ZNF362: variants seen among roughly 807,000 people sequenced by gnomAD.
ZNF362 encodes the protein zinc finger protein 362, also known as rotund homolog.
ZNF362 carries 11 observed loss-of-function variants against 42.9 expected under a neutral mutation model. The ratio of observed to expected loss-of-function variants is 0.26; its 90% CI spans 0.16 to 0.42. ZNF362 has a LOEUF of 0.42. Among genes scored for constraint, ZNF362 ranks in the 20% least tolerant of loss-of-function variants. The pLI, the probability that ZNF362 is intolerant of heterozygous loss-of-function variation, is 1.00. For missense variants in ZNF362, 362 were observed against 576.2 expected, an observed-to-expected ratio of 0.63 and a Z score of 3.81; for synonymous variants, 255 against 257.3, an observed-to-expected ratio of 0.99 and a Z score of 0.09.
chr1:33,281,838 G>T lies in ZNF362; in HGVS notation c.908+27G>T. 2 of 1,610,984 alleles carry T rather than the reference G, an allele frequency of 1.2e-6. No individual in the cohort carries two copies. Among genetic ancestry groups the T allele is most frequent in the Non-Finnish European group, 1.7e-6 (2 of 1,177,746 alleles). ...TGAGTGGCCTGCCTGCTGCCCTGCT[G>T]CAGCCCGACTCAGCTCAGCACCCGT... is the stretch of plus-strand genomic sequence containing the variant. On this transcript the variant is annotated intron_variant, in intron 6 of 8. Transcript: ENST00000539719. This position sits in a 1 kb window ranked among gnomAD's most constrained non-coding sequence, Gnocchi z 4.8.
the ZNF362 span, among the ~76,000 whole-genome samples, chr1:33,237,816 A>C: frequency 7.9e-5 from 12 of 152,336 alleles, no homozygotes; most frequent in African/African-American, 2.9e-4. Flanking sequence ...TTACTCCGTC[A>C]GCTGCTGAGG....
chr1:33,259,480 A>G (rs1469852997), intron 1 of ZNF362, among the ~76,000 whole-genome samples: 2 of 152,226 alleles, frequency 1.3e-5, no homozygotes, highest in Non-Finnish European at 2.9e-5. Flanking sequence ...TTCCTGTCTT[A>G]TCTCTCTGTA....
chr1:33,159,979 G>A, the ZNF362 span: 2 of 1,586,842 alleles, frequency 1.3e-6, no homozygotes, highest in Non-Finnish European at 1.7e-6. This position sits in a 1 kb window ranked among gnomAD's most constrained non-coding sequence, Gnocchi z 4.2. Context: ...TATGGCTGGG[G>A]GAGCAGATGG....
the ZNF362 span, among the ~76,000 whole-genome samples, chr1:33,241,091 G>T: frequency 1.4e-5 from 2 of 147,172 alleles, no homozygotes; most frequent in East Asian, 2.0e-4. Flanking sequence ...CAATTCCCCC[G>T]CCCCGCCCCA....
chr1:33,153,033 G>A, the ZNF362 span, among the ~76,000 whole-genome samples: 28 of 138,576 alleles, frequency 2.0e-4, no homozygotes, highest in Non-Finnish European at 4.2e-4. Flanking sequence ...GCTGGGGGTG[G>A]GATAGAGGGG....
chr1:33,267,183 G>A (rs1645870570), intron 1 of ZNF362, among the ~76,000 whole-genome samples: 1 of 152,134 alleles, frequency 6.6e-6, no homozygotes. Context: ...TTTGTCAAAG[G>A]TTGCTTAACT....
intron 8 of ZNF362, 80 bp downstream of exon 8, chr1:33,295,385 T>C (rs1646114234): frequency 1.3e-6 from 2 of 1,519,010 alleles, no homozygotes; most frequent in Non-Finnish European, 1.8e-6. Context: ...CATTGTCAGA[T>C]CTGTGTCGAC....
the ZNF362 span, among the ~76,000 whole-genome samples, chr1:33,226,886 A>C: frequency 2.6e-5 from 4 of 152,122 alleles, no homozygotes; most frequent in Non-Finnish European, 4.4e-5. Flanking sequence ...GCAAAACAAA[A>C]CAAGACACCC....
chr1:33,193,204 AAG>A, the ZNF362 span, among the ~76,000 whole-genome samples: 1 of 152,190 alleles, frequency 6.6e-6, no homozygotes, highest in African/African-American at 2.4e-5. Context: ...AGAGCTAGGA[AAG>A]AGTCACCTGG....
At chr1:33,245,052 G>A in the ZNF362 span, among the ~76,000 whole-genome samples, 1 of 152,140 alleles carries the variant, frequency 6.6e-6, no homozygotes, top group Admixed American at 6.5e-5. Context: ...CAGGACTCCT[G>A]GGAATTTGAT....
At position 33,294,268 on chromosome 1, in the gene ZNF362, T is replaced by G. The variant is rs1448356677; in HGVS notation, c.909-669T>G. On this transcript the variant is annotated intron_variant, in intron 6 of 8. Coordinates refer to ENST00000539719, the MANE Select transcript of ZNF362 (RefSeq NM_152493.3). This position sits in a 1 kb window ranked among gnomAD's most constrained non-coding sequence, Gnocchi z 4.2. ...GATAGGAACTGTATTTTTATACCCA[T>G]TTTGCAGATGAGGAAACTGATGCTC... 6.6e-6 allele frequency among the ~76,000 whole-genome samples: 1 copy of G among 152,204 alleles called. No homozygotes were observed. Among genetic ancestry groups the G allele is most frequent in the Non-Finnish European group, 1.5e-5 (1 of 68,044 alleles).
intron 6 of ZNF362, among the ~76,000 whole-genome samples, chr1:33,286,639 T>G (rs926014599): frequency 2.6e-5 from 4 of 152,182 alleles, no homozygotes; most frequent in Non-Finnish European, 1.5e-5. Context: ...TAAACTGATA[T>G]GTCCTAACTC....
In ZNF362 at chr1:33,281,486, A is replaced by G; in HGVS notation, c.684-101A>G. The G allele has an allele frequency of 8.8e-7, 1 of 1,142,244 alleles. No individual in the cohort carries two copies. The highest frequency in any genetic ancestry group is 1.3e-6 in the Non-Finnish European group (1 of 778,882). The allele number at this position is 1,142,244 out of a possible 1,614,324, so 70.8% of individuals were successfully genotyped here. A position where few individuals can be genotyped will look rare whatever the true frequency, so the allele number is the denominator to read the frequency against. ...TGTGCTTCTTGGGCTCATCACAGGAAAGACCTGTCCCAGGTGCAAGGTCTC... is the reference window on the plus strand; with the variant it reads ...TGTGCTTCTTGGGCTCATCACAGGAGAGACCTGTCCCAGGTGCAAGGTCTC... On this transcript the variant is annotated intron_variant, in intron 5 of 8. Coordinates refer to ENST00000539719, the MANE Select transcript of ZNF362 (RefSeq NM_152493.3). This position sits in a 1 kb window ranked among gnomAD's most constrained non-coding sequence, Gnocchi z 4.8.
chr1:33,204,678 A>G, the ZNF362 span, among the ~76,000 whole-genome samples: 1 of 152,202 alleles, frequency 6.6e-6, no homozygotes, highest in African/African-American at 2.4e-5. Flanking sequence ...AGTTTACAGC[A>G]TACTTCATGG....
intron 2 of ZNF362, chr1:33,275,376 G>A (rs373240635): frequency 4.1e-6 from 4 of 985,464 alleles, no homozygotes; most frequent in South Asian, 9.4e-5. Flanking sequence ...CCAAAGAGCC[G>A]CAGACTGCCC....
chr1:33,184,438 C>T, the ZNF362 span, among the ~76,000 whole-genome samples: 398 of 152,282 alleles, frequency 2.6e-3, 10 homozygotes, highest in East Asian at 0.062. Flanking sequence ...ATCATACATC[C>T]CAGCTGTTCT....
the ZNF362 span, among the ~76,000 whole-genome samples, chr1:33,187,608 G>C: frequency 2.0e-5 from 3 of 152,214 alleles, no homozygotes; most frequent in South Asian, 2.1e-4. Context: ...GTCCAGCAGG[G>C]GTCACTTACT....
chr1:33,145,400 A>G, the ZNF362 span: 4 of 161,264 alleles, frequency 2.5e-5, no homozygotes, highest in Non-Finnish European at 5.5e-5. Flanking sequence ...GGAACTGGCT[A>G]CTGACATCTG....
the ZNF362 span, among the ~76,000 whole-genome samples, chr1:33,185,109 C>T: frequency 2.0e-5 from 3 of 152,142 alleles, no homozygotes; most frequent in Non-Finnish European, 2.9e-5. Context: ...AGAAGAGGCT[C>T]TGGTACTATT....
Sources: gnomAD v4.1 joint callset for allele counts (sites outside exome capture counted in the v4.1 genomes callset) on GRCh38, gnomAD v4.1.1 for gene constraint, Gnocchi (gnomAD v3.1) non-coding constraint, MANE v1.5 for transcripts, NCBI Gene and HGNC (gene_info 2026-07-23, HGNC 2026-07-21) for gene names.